The following INO80D variants were observed in gnomAD, a reference collection of about 807,000 sequenced individuals.
INO80D encodes INO80 complex subunit D.
In INO80D, 21 loss-of-function variants were observed where a neutral mutation model predicts 87.6. The observed-to-expected ratio is 0.24, with a 90% CI of 0.17 to 0.35. The LOEUF (loss-of-function observed/expected upper bound fraction) is 0.35. Ranked by LOEUF, INO80D falls within the 10% of genes least tolerant of loss-of-function variation. The pLI, the probability that INO80D is intolerant of heterozygous loss-of-function variation, is 1.00. For synonymous variants in INO80D, 440 were observed against 491.0 expected (o/e 0.90, Z 1.37); for missense variants, 982 against 1,280.7 (o/e 0.77, Z 3.56).
At chr2:206,068,547 A>G (rs1323993996) in intron 1 of INO80D, among the ~76,000 whole-genome samples, 3 of 152,194 alleles carry the variant, frequency 2.0e-5, no homozygotes, top group Non-Finnish European at 2.9e-5. Context: ...TTTGTGCTAT[A>G]ATGGTAAAAT....
At chr2:206,067,161 C>T (rs1342987402) in intron 1 of INO80D, among the ~76,000 whole-genome samples, 2 of 151,748 alleles carry the variant, frequency 1.3e-5, no homozygotes, top group East Asian at 1.9e-4. Flanking sequence ...GCAGGAGAAT[C>T]GCTTCAACCC....
chr2:206,013,277 G>A lies in INO80D; in HGVS notation c.1543-3483C>T, dbSNP rs374147143. Among the ~76,000 whole-genome samples the A allele has an allele frequency of 7.9e-5, 12 of 152,258 alleles. No homozygotes were observed. The East Asian group carries it at 2.1e-3, about 27-fold the overall frequency. ...ACATAATAATGGTTATAGGAGGCCA[G>A]GCGCGGTGGCTTACGCCTGTAATCC... On this transcript the variant is annotated intron_variant, in intron 8 of 10. Coordinates refer to ENST00000403263, the MANE Select transcript of INO80D (RefSeq NM_017759.5).
rs1689523838 is a variant in INO80D at position 206,056,464 on chromosome 2, G to C, written c.698C>G (p.Pro233Arg). The change falls in exon 4 of 11, where the codon CCT (proline) becomes CGT (arginine). Residue 233 changes from proline (P) to arginine (R), a missense_variant. Physicochemically the swap from Pro to Arg is moderately radical, Grantham distance 103. Transcript: ENST00000403263. Reference protein sequence around the residue: ...APPQGSVCKSPQPQNTSLPMQ... With the variant: ...APPQGSVCKSRQPQNTSLPMQ... ...TGGTAGGCTGGTGTTCTGAGGTTGA[G>C]GTGACTTGCAGACTGAACCCTGCGG... The C allele has an allele frequency of 6.2e-7, 1 of 1,613,846 alleles. No homozygotes were observed. The highest frequency in any genetic ancestry group is 1.7e-5 in the Admixed American group (1 of 59,972).
Position 206,062,024 on chromosome 2 carries a change from T to G in INO80D, c.218+775A>C, listed in dbSNP as rs1435046774. Reference sequence around the variant, plus strand: ...AAGAGATTATATATGAAAGATAGTGTGAATTTTCCTAACAATATGAAAGAT... The same window carrying G: ...AAGAGATTATATATGAAAGATAGTGGGAATTTTCCTAACAATATGAAAGAT... On this transcript the variant is annotated intron_variant, in intron 3 of 10. Coordinates refer to ENST00000403263, the MANE Select transcript of INO80D (RefSeq NM_017759.5). This position sits in a 1 kb window ranked among gnomAD's most constrained non-coding sequence, Gnocchi z 4.6. Among the ~76,000 whole-genome samples, 1 of 152,210 alleles carries G rather than the reference T, an allele frequency of 6.6e-6. No homozygotes were observed. Among genetic ancestry groups the G allele is most frequent in the Non-Finnish European group, 1.5e-5 (1 of 68,038 alleles).
chr2:206,076,051 C>CAA (rs11288087), intron 1 of INO80D, among the ~76,000 whole-genome samples: 6 of 106,168 alleles, frequency 5.7e-5, no homozygotes, highest in Non-Finnish European at 9.4e-5. Context: ...GACTCCCTCT[C>CAA]AAAAAAAAAA....
intron 5 of INO80D, among the ~76,000 whole-genome samples, chr2:206,036,597 G>A (rs1688902848): frequency 6.6e-6 from 1 of 152,070 alleles, no homozygotes; most frequent in Non-Finnish European, 1.5e-5. Context: ...GGTGGAAGGG[G>A]AGCAAGGGAT....
At chr2:206,055,909 T>G (rs999037140) in intron 4 of INO80D, among the ~76,000 whole-genome samples, 5 of 152,212 alleles carry the variant, frequency 3.3e-5, no homozygotes, top group African/African-American at 9.6e-5. Context: ...TATGGGAGAA[T>G]GTACATAGGT....
At chr2:206,060,989 A>C (rs1412985186) in intron 3 of INO80D, among the ~76,000 whole-genome samples, 2 of 152,172 alleles carry the variant, frequency 1.3e-5, no homozygotes, top group Admixed American at 6.6e-5. Flanking sequence ...TATTTTGAAG[A>C]GATTCATAAG....
chr2:206,041,429 A>G (rs1432336517), intron 5 of INO80D, among the ~76,000 whole-genome samples: 1 of 152,224 alleles, frequency 6.6e-6, no homozygotes, highest in African/African-American at 2.4e-5. Context: ...ATGCCACATA[A>G]GGAAAGATCT....
At position 206,020,471 on chromosome 2, in the gene INO80D, C is replaced by G. The variant is rs1246742011; in HGVS notation, c.1299-626G>C. Reference sequence around the variant, plus strand: ...AAACCCATAAATCTGCAAAAAAACTCTTCATCTCATACATGGGGAAGAGGA... The same window carrying G: ...AAACCCATAAATCTGCAAAAAAACTGTTCATCTCATACATGGGGAAGAGGA... On this transcript the variant is annotated intron_variant, in intron 6 of 10. Transcript: ENST00000403263. Among the ~76,000 whole-genome samples, 3 of 152,016 alleles carry G rather than the reference C, an allele frequency of 2.0e-5. No individual in the cohort carries two copies. In the East Asian group the frequency reaches 5.8e-4, roughly 29 times the overall value.
At chr2:206,008,584 T>A (rs925654348) in intron 9 of INO80D, among the ~76,000 whole-genome samples, 1 of 152,098 alleles carries the variant, frequency 6.6e-6, no homozygotes, top group African/African-American at 2.4e-5. Flanking sequence ...TGGTCCTAGG[T>A]TTTTTATATT....
intron 4 of INO80D, among the ~76,000 whole-genome samples, chr2:206,051,670 T>C (rs1171617824): frequency 1.3e-5 from 2 of 152,086 alleles, no homozygotes; most frequent in Non-Finnish European, 2.9e-5. Context: ...TTTTTTTTTT[T>C]AATTTAAATT....
In INO80D at chr2:206,013,063, T is replaced by C. The variant is rs1256553880; in HGVS notation, c.1543-3269A>G. On this transcript the variant is annotated intron_variant, in intron 8 of 10. Transcript: ENST00000403263. ...CAGAGAGAAAACCATTTTCAAAAAT[T>C]TGTATTTTAAATACTTGAAAAAAAT... Among the ~76,000 whole-genome samples the C allele has an allele frequency of 2.6e-5, 4 of 152,038 alleles. No individual in the cohort carries two copies. In the South Asian group the frequency reaches 6.2e-4, roughly 24 times the overall value.
At chr2:206,082,978 G>A (rs946089237) in intron 1 of INO80D, among the ~76,000 whole-genome samples, 1 of 152,132 alleles carries the variant, frequency 6.6e-6, no homozygotes, top group African/African-American at 2.4e-5. Context: ...AAGAAAACTT[G>A]ATTATTTCAG....
intron 3 of INO80D, among the ~76,000 whole-genome samples, chr2:206,057,935 C>T (rs1056191145): frequency 2.7e-5 from 4 of 150,298 alleles, no homozygotes; most frequent in Non-Finnish European, 5.9e-5. Flanking sequence ...AAATTCAAAA[C>T]TGCTATTTTG....
chr2:206,077,681 C>T (rs950275272), intron 1 of INO80D, among the ~76,000 whole-genome samples: 77 of 152,168 alleles, frequency 5.1e-4, no homozygotes, highest in African/African-American at 1.8e-3. Flanking sequence ...AGAAACCCTG[C>T]ATTACAGGAC....
chr2:206,071,026 C>T (rs1223635150), intron 1 of INO80D, among the ~76,000 whole-genome samples: 6 of 151,590 alleles, frequency 4.0e-5, no homozygotes, highest in Non-Finnish European at 5.9e-5. Context: ...GGCACGATCT[C>T]AGCTCACTGC....
intron 6 of INO80D, chr2:206,025,542 A>AAAAAAAATAT (rs71301548): frequency 1.3e-4 from 10 of 76,944 alleles, no homozygotes; most frequent in East Asian, 4.4e-4. Context: ...AAAAAAAAAA[A>AAAAAAAATAT]ATATATATAT....
intron 1 of INO80D, among the ~76,000 whole-genome samples, chr2:206,065,833 G>C (rs1183114447): frequency 2.0e-5 from 3 of 152,022 alleles, no homozygotes; most frequent in Non-Finnish European, 4.4e-5. Context: ...TCAAAATTGG[G>C]GTAAGGTATC....
Sources: allele counts gnomAD v4.1 joint callset (sites outside exome capture counted in the v4.1 genomes callset), GRCh38; gene constraint gnomAD v4.1.1; non-coding constraint Gnocchi (gnomAD v3.1); transcripts MANE v1.5; gene names NCBI Gene and HGNC (gene_info 2026-07-23, HGNC 2026-07-21).